DNAH8: variants seen among roughly 807,000 people sequenced by gnomAD.
DNAH8 encodes dynein axonemal heavy chain 8, also known as axonemal beta dynein heavy chain 8.
Under a neutral mutation model 562.1 loss-of-function variants are expected in DNAH8, and 382 were observed. The observed-to-expected ratio is 0.68, with a 90% CI of 0.63 to 0.74. The LOEUF is 0.74. DNAH8 is among the 30% of genes least tolerant of loss of function. The pLI is 0.00. For missense variants in DNAH8, 5,203 were observed against 5,620.4 expected (o/e 0.93, Z 2.37); for synonymous variants, 1,881 against 1,919.4 (o/e 0.98, Z 0.52).
chr6:38,741,614 ATTAT>A (rs1764526946), intron 7 of DNAH8, 93 bp from the exon 8 acceptor site: 1 of 1,041,908 alleles, frequency 9.6e-7, no homozygotes, highest in Non-Finnish European at 1.4e-6. Context: ...GGTATTGAAC[ATTAT>A]TTATACTTTC....
At chr6:38,779,893 T>C (rs1223955584) in intron 14 of DNAH8, 73 bp from the exon 15 acceptor site, 2 of 1,359,102 alleles carry the variant, frequency 1.5e-6, no homozygotes, top group East Asian at 4.8e-5. Flanking sequence ...AATGAATGGA[T>C]GGTTAGTATG....
intron 26 of DNAH8, among the ~76,000 whole-genome samples, chr6:38,820,518 A>G (rs1278289364): frequency 6.6e-6 from 1 of 152,210 alleles, no homozygotes; most frequent in East Asian, 1.9e-4. Context: ...TTCTCAAGAC[A>G]TACAAAGCTC....
intron 24 of DNAH8, among the ~76,000 whole-genome samples, chr6:38,808,132 G>A (rs914827878): frequency 6.6e-6 from 1 of 152,172 alleles, no homozygotes; most frequent in African/African-American, 2.4e-5. Flanking sequence ...ACACTTCTAT[G>A]TAGTTGGAGT....
In DNAH8 at chr6:38,770,489, A is replaced by G; in HGVS notation, c.1694A>G (p.Glu565Gly). ...TRKLISESSG[E>G]KSFEVSEMYI... ...AAACTGATTTCAGAATCCTCAGGGG[A>G]AAAATCTTTTGAGGTTTCAGAAATG... The change falls in exon 12 of 93, where the codon GAA becomes GGA. Residue 565 changes from glutamate (E) to glycine (G), a missense_variant. Around this residue, in one of 6 missense-constraint regions of DNAH8, gnomAD observed 2,176 missense variants for 2,365.1 expected, o/e 0.92. Transcript: ENST00000327475. The G allele has an allele frequency of 6.2e-7, 1 of 1,607,804 alleles. No homozygotes were observed. Among genetic ancestry groups the G allele is most frequent in the Non-Finnish European group, 8.5e-7 (1 of 1,177,854 alleles).
intron 87 of DNAH8, among the ~76,000 whole-genome samples, chr6:38,986,214 A>G (rs979301956): frequency 3.9e-5 from 6 of 152,212 alleles, no homozygotes; most frequent in Non-Finnish European, 5.9e-5. Flanking sequence ...TTAGGAATCC[A>G]TCATGGGGAA....
At chr6:38,946,593 G>A (rs1386733848) in intron 80 of DNAH8, among the ~76,000 whole-genome samples, 1 of 152,180 alleles carries the variant, frequency 6.6e-6, no homozygotes, top group Admixed American at 6.5e-5. Flanking sequence ...GGTGGATCAC[G>A]AGGTCAGGAG....
At position 38,853,249 on chromosome 6, in the gene DNAH8, C is replaced by T. The variant is rs1297488496; in HGVS notation, c.5635C>T (p.Gln1879Ter). ...TTGGCTACTGGATTTGTTAAAAATG[C>T]AGATGTCATCATTACATAATATAAT... The part of the protein sequence containing the change: ...EIWLLDLLKM[Q>*]MSSLHNIIRS... The change falls in exon 41 of 93, where the codon CAG becomes TAG. Residue 1879 changes from glutamine to a stop codon, truncating the protein, a stop_gained. Transcript: ENST00000327475. LOFTEE classifies it high-confidence loss of function. 1.2e-5 allele frequency: 20 copies of T among 1,612,942 alleles called. No individual in the cohort carries two copies. Among genetic ancestry groups the T allele is most frequent in the Non-Finnish European group, 1.7e-5 (20 of 1,179,430 alleles).
rs776814706 is a variant in DNAH8, at chr6:38,909,549, A to G, written c.9545A>G (p.Lys3182Arg). 6.2e-7 allele frequency: 1 copy of G among 1,614,024 alleles called. No homozygotes were observed. The highest frequency in any genetic ancestry group is 8.5e-7 in the Non-Finnish European group (1 of 1,179,972). The stretch of plus-strand genomic sequence containing the variant: ...GAGAAGTTCCGTGCCCGTTCTTTGA[A>G]ATTTCCTGGCTTGATATCAGGTTGC... ...VGEKFRARSLKFPGLISGCTM... is the reference protein window; with the variant it reads ...VGEKFRARSLRFPGLISGCTM... The change falls in exon 65 of 93, where the codon AAA becomes AGA. Residue 3182 changes from lysine to arginine, a missense_variant. Physicochemically the swap from Lys to Arg is conservative, Grantham distance 26. Transcript: ENST00000327475.
At chr6:38,784,108 T>G (rs558211654) in intron 17 of DNAH8, among the ~76,000 whole-genome samples, 1 of 152,230 alleles carries the variant, frequency 6.6e-6, no homozygotes, top group South Asian at 2.1e-4. Context: ...CCCCGCAGGG[T>G]GTCGTCCCTA....
At chr6:38,749,966 G>A (rs889139971) in intron 8 of DNAH8, among the ~76,000 whole-genome samples, 9 of 152,164 alleles carry the variant, frequency 5.9e-5, no homozygotes, top group Non-Finnish European at 8.8e-5. Context: ...CTGAGTAGCT[G>A]GGCCTACAGG....
chr6:38,796,930 T>A (rs1396143640), intron 21 of DNAH8, among the ~76,000 whole-genome samples: 1 of 152,216 alleles, frequency 6.6e-6, no homozygotes, highest in Non-Finnish European at 1.5e-5. Context: ...TATTAAATTC[T>A]CTAATTTTAT....
chr6:38,906,996 A>T (rs550196998), intron 63 of DNAH8, among the ~76,000 whole-genome samples: 92 of 152,352 alleles, frequency 6.0e-4, no homozygotes, highest in Non-Finnish European at 1.2e-3. Context: ...CTCAACCAGT[A>T]AGTGAAATGC....
chr6:39,020,816 G>T (rs1046975078), intron 91 of DNAH8, among the ~76,000 whole-genome samples: 3 of 152,100 alleles, frequency 2.0e-5, no homozygotes, highest in Non-Finnish European at 2.9e-5. Flanking sequence ...ATGGCTTCCA[G>T]CTTCATTCAT....
At chr6:38,873,665 A>G (rs1777644380) in intron 52 of DNAH8, among the ~76,000 whole-genome samples, 1 of 151,992 alleles carries the variant, frequency 6.6e-6, no homozygotes, top group South Asian at 2.1e-4. Flanking sequence ...TATAATAATG[A>G]CAGTCAATAA....
chr6:38,864,635 G>A (rs1776901215), intron 45 of DNAH8, among the ~76,000 whole-genome samples: 1 of 151,124 alleles, frequency 6.6e-6, no homozygotes, highest in East Asian at 2.0e-4. Flanking sequence ...TTCCAGAAGT[G>A]ACACAAGTCC....
At chr6:38,873,720 A>ACC (rs1777652446) in intron 52 of DNAH8, among the ~76,000 whole-genome samples, 2 of 109,094 alleles carry the variant, frequency 1.8e-5, no homozygotes, top group South Asian at 7.0e-4. Flanking sequence ...AAAATAACAC[A>ACC]TACACCTACA....
intron 47 of DNAH8, among the ~76,000 whole-genome samples, chr6:38,867,612 G>T (rs1318852075): frequency 1.3e-5 from 2 of 151,360 alleles, no homozygotes. Flanking sequence ...AATTAGCCAG[G>T]CGTGGTGGCA....
intron 91 of DNAH8, among the ~76,000 whole-genome samples, chr6:39,025,701 A>C (rs1583590210): frequency 6.6e-6 from 1 of 152,208 alleles, no homozygotes; most frequent in Admixed American, 6.5e-5. Context: ...TGGTTCTCAG[A>C]GCTCACTAAT....
intron 79 of DNAH8, among the ~76,000 whole-genome samples, chr6:38,939,607 A>C (rs994832755): frequency 2.6e-5 from 4 of 152,236 alleles, no homozygotes; most frequent in Non-Finnish European, 5.9e-5. Context: ...AGAATCACCT[A>C]AGTGCTATAA....
Sources: gnomAD v4.1 joint callset for allele counts (sites outside exome capture counted in the v4.1 genomes callset) on GRCh38, gnomAD v4.1.1 for gene constraint, gnomAD v4.1.1 regional missense constraint, MANE v1.5 for transcripts, NCBI Gene and HGNC (gene_info 2026-07-23, HGNC 2026-07-21) for gene names.